Variants in KIF26B observed in about 807,000 individuals in gnomAD.
KIF26B encodes the protein kinesin-like protein KIF26B.
Under a neutral mutation model 151.2 loss-of-function variants are expected in KIF26B, and 63 were observed. The ratio of observed to expected loss-of-function variants is 0.42; its 90% CI spans 0.34 to 0.51. KIF26B has a LOEUF of 0.51. KIF26B is among the 20% of genes least tolerant of loss of function. KIF26B has a pLI of 0.07. For missense variants in KIF26B, 2,813 were observed against 2,913.6 expected (o/e 0.97, Z 0.79); for synonymous variants, 1,357 against 1,262.1 (o/e 1.08, Z -1.59).
At chr1:245,168,778 C>A (rs1668656908) in intron 2 of KIF26B, among the ~76,000 whole-genome samples, 2 of 152,114 alleles carry the variant, frequency 1.3e-5, no homozygotes, top group South Asian at 4.1e-4. Context: ...ATCACATGCC[C>A]CTGACGTGGG....
intron 10 of KIF26B, among the ~76,000 whole-genome samples, chr1:245,659,394 G>A (rs1382227809): frequency 6.6e-6 from 1 of 152,126 alleles, no homozygotes; most frequent in Non-Finnish European, 1.5e-5. Flanking sequence ...GCTTCCCAGA[G>A]GACACCTTTG....
intron 5 of KIF26B, among the ~76,000 whole-genome samples, chr1:245,557,562 G>C (rs1472059876): frequency 6.6e-6 from 1 of 152,290 alleles, no homozygotes; most frequent in African/African-American, 2.4e-5. Context: ...TTGGGGCTGT[G>C]GGAGCACCTC....
chr1:245,467,041 T>C (rs1455012239), intron 4 of KIF26B, among the ~76,000 whole-genome samples: 1 of 152,236 alleles, frequency 6.6e-6, no homozygotes, highest in Non-Finnish European at 1.5e-5. Context: ...TTCAGCTAGA[T>C]AATAAAGTCA....
chr1:245,492,845 A>G (rs1301497523), intron 4 of KIF26B, among the ~76,000 whole-genome samples: 1 of 152,014 alleles, frequency 6.6e-6, no homozygotes, highest in Non-Finnish European at 1.5e-5. Flanking sequence ...CAGTGGCGTG[A>G]TCTTGGCTCA....
chr1:245,580,011 C>T (rs2043159967), intron 5 of KIF26B, among the ~76,000 whole-genome samples: 1 of 152,122 alleles, frequency 6.6e-6, no homozygotes, highest in African/African-American at 2.4e-5. Context: ...CCTGAGGTAC[C>T]TGAGGTTTGG....
At chr1:245,320,978 T>C (rs1318019921) in intron 2 of KIF26B, among the ~76,000 whole-genome samples, 1 of 152,204 alleles carries the variant, frequency 6.6e-6, no homozygotes, top group Non-Finnish European at 1.5e-5. Flanking sequence ...GTACCTGGCC[T>C]GTGTTTTTCA....
At chr1:245,192,791 T>TG (rs1330205443) in intron 2 of KIF26B, among the ~76,000 whole-genome samples, 1 of 152,244 alleles carries the variant, frequency 6.6e-6, no homozygotes, top group Non-Finnish European at 1.5e-5. Flanking sequence ...ATCACAGATT[T>TG]GGGGGGTGCG....
chr1:245,655,909 ACT>A (rs2044067812), intron 10 of KIF26B, among the ~76,000 whole-genome samples: 1 of 152,144 alleles, frequency 6.6e-6, no homozygotes, highest in Admixed American at 6.5e-5. Context: ...ATAACATTTA[ACT>A]CTGTCATCCA....
intron 4 of KIF26B, among the ~76,000 whole-genome samples, chr1:245,470,721 C>A (rs183089936): frequency 1.3e-5 from 2 of 152,296 alleles, no homozygotes; most frequent in African/African-American, 4.8e-5. Context: ...TGAGCCACCA[C>A]GCCCGGCCAC....
At chr1:245,673,331 TAGGCCC>T (rs2044317312) in intron 10 of KIF26B, among the ~76,000 whole-genome samples, 7 of 134,376 alleles carry the variant, frequency 5.2e-5, no homozygotes, top group Non-Finnish European at 1.1e-4. Flanking sequence ...GCTGCCATCT[TAGGCCC>T]AGTCCCCGCT....
At chr1:245,608,596 T>C (rs1036214279) in intron 7 of KIF26B, among the ~76,000 whole-genome samples, 25 of 152,154 alleles carry the variant, frequency 1.6e-4, no homozygotes, top group African/African-American at 6.0e-4. Context: ...TATGTGGACT[T>C]AATCTGGGGG....
intron 4 of KIF26B, among the ~76,000 whole-genome samples, chr1:245,477,328 C>CGGGT (rs1660062192): frequency 7.9e-6 from 1 of 126,436 alleles, no homozygotes; most frequent in African/African-American, 2.9e-5. Flanking sequence ...CACTGTGTGC[C>CGGGT]GGGCACTGTC....
At chr1:245,429,163 TATGGAGAGGATTAA>T (rs2103040710) in intron 4 of KIF26B, among the ~76,000 whole-genome samples, 1 of 152,268 alleles carries the variant, frequency 6.6e-6, no homozygotes, top group East Asian at 1.9e-4. Context: ...TTTATAGGAT[TATGGAGAGGATTAA>T]ATGAAAATGT....
chr1:245,239,327 A>C lies in KIF26B; in HGVS notation c.465+82644A>C, dbSNP rs1670171109. ...AGGCCAATAAAACAGGTCATGAGCC[A>C]ATAAAAATGACCATCTGATTCACTT... On this transcript the variant is annotated intron_variant, in intron 2 of 14. Coordinates refer to ENST00000407071, the MANE Select transcript of KIF26B (RefSeq NM_018012.4). This position sits in a 1 kb window ranked among gnomAD's most constrained non-coding sequence, Gnocchi z 4.3. 6.6e-6 allele frequency among the ~76,000 whole-genome samples: 1 copy of C among 152,228 alleles called. No homozygotes were observed. The highest frequency in any genetic ancestry group is 2.4e-5 in the African/African-American group (1 of 41,458).
In KIF26B at chr1:245,419,723, G is replaced by C; in HGVS notation, c.1144G>C (p.Val382Leu). 6.2e-7 allele frequency: 1 copy of C among 1,612,572 alleles called. No individual in the cohort carries two copies. The highest frequency in any genetic ancestry group is 8.5e-7 in the Non-Finnish European group (1 of 1,179,242). The change falls in exon 4 of 15, where the codon GTG (valine) becomes CTG (leucine). Residue 382 changes from valine (V) to leucine (L), a missense_variant. Transcript: ENST00000407071. ...CAGCGAGACTTCCACAGGCACATCG[G>C]TGGCCGCCTCCTTCTTTGCACGGTA... ...VASETSTGTSVAASFFARAAQ... is the reference protein window; with the variant it reads ...VASETSTGTSLAASFFARAAQ...
Position 245,501,822 on chromosome 1 carries a change from C to T in KIF26B, c.1167-38945C>T, listed in dbSNP as rs183933261. 3.1e-3 allele frequency among the ~76,000 whole-genome samples: 470 copies of T among 152,310 alleles called. 2 individuals carry two copies. Among genetic ancestry groups the T allele is most frequent in the African/African-American group, 0.01 (422 of 41,564 alleles). ...GGGCCTTTTGCTAAATTTGGCTCTG[C>T]TGCACTTCCGTCTTTAGAACTAGGC... On this transcript the variant is annotated intron_variant, in intron 4 of 14. Transcript: ENST00000407071.
intron 6 of KIF26B, among the ~76,000 whole-genome samples, chr1:245,605,768 G>A (rs555298032): frequency 5.0e-4 from 76 of 152,168 alleles, no homozygotes; most frequent in African/African-American, 1.7e-3. Context: ...TGGACAGCCC[G>A]CTGACCACGC....
At chr1:245,582,330 T>C (rs2103130213) in intron 5 of KIF26B, among the ~76,000 whole-genome samples, 1 of 152,352 alleles carries the variant, frequency 6.6e-6, no homozygotes, top group Middle Eastern at 3.4e-3. Context: ...TTACAATGTA[T>C]CAAGTCAATA....
rs746182020 is a variant in KIF26B, at chr1:245,698,981, A to G, written c.6122A>G (p.Glu2041Gly). ...GCGAAGTACGAGTGGCTGATGAAGG[A>G]GCTGGAGGCGACCAAACAGTATCTG... ...VRAKYEWLMK[E>G]LEATKQYLML... is the part of the protein sequence containing the mutation. Residue 2041 changes from glutamate (E) to glycine (G), a missense_variant, in exon 14 of 15, where the codon GAG (glutamate) becomes GGG (glycine). Glu to Gly is a moderately conservative substitution (Grantham distance 98, BLOSUM62 -2). Around this residue, in one of 3 missense-constraint regions of KIF26B, gnomAD observed 2,060 missense variants for 2,088.6 expected, o/e 0.99. Transcript: ENST00000407071. The surrounding 1 kb of genome is among the most constrained non-coding windows in gnomAD (Gnocchi z 4.0). 1 of 1,614,016 alleles carries G rather than the reference A, an allele frequency of 6.2e-7. No individual in the cohort carries two copies.
Sources: gnomAD v4.1 joint callset for allele counts (sites outside exome capture counted in the v4.1 genomes callset) on GRCh38, gnomAD v4.1.1 for gene constraint, gnomAD v4.1.1 regional missense constraint, Gnocchi (gnomAD v3.1) non-coding constraint, MANE v1.5 for transcripts, NCBI Gene and HGNC (gene_info 2026-07-23, HGNC 2026-07-21) for gene names.